Variants in CHD6 observed in about 807,000 individuals in gnomAD.
CHD6 encodes the protein chromodomain helicase DNA binding protein 6.
A neutral mutation model predicts 276.9 loss-of-function variants in CHD6; 50 were observed. That is an observed-to-expected ratio of 0.18 (90% CI 0.14 to 0.23). CHD6 has a LOEUF of 0.23. Ranked by LOEUF, CHD6 falls within the 10% of genes least tolerant of loss-of-function variation. CHD6 has a pLI of 1.00. For synonymous variants in CHD6, 1,173 were observed against 1,229.3 expected (o/e 0.95, Z 0.96); for missense variants, 2,564 against 3,365.8 (o/e 0.76, Z 5.89).
chr20:41,615,642 G>A (rs564673636), intron 1 of CHD6, among the ~76,000 whole-genome samples: 1 of 152,374 alleles, frequency 6.6e-6, no homozygotes, highest in African/African-American at 2.4e-5. Context: ...TGTATATACT[G>A]TCATTGTCCT....
In CHD6 at chr20:41,421,703, T is replaced by C. The variant is rs780349103; in HGVS notation, c.4932A>G (p.Thr1644=). The change falls in exon 31 of 37, where the codon ACA becomes ACG. Residue 1644 remains threonine, a synonymous_variant. Transcript: ENST00000373233. ...QTNSKLYESL[T]YSQMSRTSES... Reference sequence around the variant, plus strand: ...CTGAAGTCCTACTCATTTGAGAATATGTAAGAGATTCATATAACTTGGAGT... The same window carrying C: ...CTGAAGTCCTACTCATTTGAGAATACGTAAGAGATTCATATAACTTGGAGT... 39 of 1,614,046 alleles carry C rather than the reference T, an allele frequency of 2.4e-5. No homozygotes were observed. The highest frequency in any genetic ancestry group is 1.8e-4 in the East Asian group (8 of 44,900).
chr20:41,602,171 A>G (rs563850042), intron 1 of CHD6, among the ~76,000 whole-genome samples: 1 of 152,232 alleles, frequency 6.6e-6, no homozygotes, highest in Non-Finnish European at 1.5e-5. Flanking sequence ...ATGTCCCTAC[A>G]GTCACTCTCT....
chr20:41,405,343 T>C lies in CHD6; in HGVS notation c.7398A>G (p.Pro2466=), dbSNP rs1600776330. The change falls in exon 37 of 37, where the codon CCA becomes CCG. Residue 2466 remains proline (P), a synonymous_variant. Coordinates refer to ENST00000373233, the MANE Select transcript of CHD6 (RefSeq NM_032221.5). ...CAGCAATCAGTCCATTCATGAACAG[T>C]GGCCCCATTCCAGAGGGAGAGTCTG... The part of the protein sequence containing the change: ...IVADSPSGMG[P]LFMNGLIAGM... 1.9e-6 allele frequency: 3 copies of C among 1,614,202 alleles called. No individual in the cohort carries two copies. In the East Asian group the frequency reaches 6.7e-5, roughly 36 times the overall value.
chr20:41,561,486 CCTT>C (rs1470828630), intron 1 of CHD6, among the ~76,000 whole-genome samples: 3 of 152,132 alleles, frequency 2.0e-5, no homozygotes, highest in African/African-American at 7.2e-5. Flanking sequence ...CATCAGGAGT[CCTT>C]CATCATTGTC....
chr20:41,539,197 G>T (rs767229297), intron 2 of CHD6, among the ~76,000 whole-genome samples: 2 of 152,158 alleles, frequency 1.3e-5, no homozygotes, highest in Non-Finnish European at 2.9e-5. Context: ...GCGTGCCCTG[G>T]ATAGCTCTTC....
chr20:41,541,521 TAAAG>T (rs953874004), intron 2 of CHD6, among the ~76,000 whole-genome samples: 5 of 151,994 alleles, frequency 3.3e-5, no homozygotes, highest in African/African-American at 9.7e-5. Context: ...CCAGCAAGAA[TAAAG>T]AGAGAAGAGA....
chr20:41,442,864 G>A (rs2047941627), intron 25 of CHD6, among the ~76,000 whole-genome samples: 1 of 152,226 alleles, frequency 6.6e-6, no homozygotes, highest in Admixed American at 6.5e-5. Context: ...TGAGGCATCT[G>A]TCCAACCTCA....
At position 41,473,669 on chromosome 20, in the gene CHD6, C is replaced by T. The variant is rs2043108216; in HGVS notation, c.2469-152G>A. On this transcript the variant is annotated intron_variant, in intron 16 of 36. Coordinates refer to ENST00000373233, the MANE Select transcript of CHD6 (RefSeq NM_032221.5). This position sits in a 1 kb window ranked among gnomAD's most constrained non-coding sequence, Gnocchi z 4.1. ...AGCAGTCTAGAAGGAATCCTGCCCC[C>T]TACATATGCAGCAGGGCAGACACTT... 9.7e-6 allele frequency: 6 copies of T among 619,252 alleles called. No individual in the cohort carries two copies. The South Asian group carries it at 1.2e-4, about 13-fold the overall frequency. The allele number at this position is 619,252 out of a possible 1,614,324, so 38.4% of individuals were successfully genotyped here.
chr20:41,403,231 C>T lies in CHD6; in HGVS notation c.*1362G>A. 9.5e-7 allele frequency: 1 copy of T among 1,054,050 alleles called. No individual in the cohort carries two copies. Among genetic ancestry groups the T allele is most frequent in the Non-Finnish European group, 1.1e-6 (1 of 869,878 alleles). The allele number at this position is 1,054,050 out of a possible 1,614,324, so 65.3% of individuals were successfully genotyped here. On this transcript the variant is annotated 3_prime_UTR_variant, in exon 37 of 37. Coordinates refer to ENST00000373233, the MANE Select transcript of CHD6 (RefSeq NM_032221.5). ...GTGAAACTGGTACTAGTAACACTTGCAACATTTCCAAGGGTCCTGCGCAGC... is the reference window on the plus strand; with the variant it reads ...GTGAAACTGGTACTAGTAACACTTGTAACATTTCCAAGGGTCCTGCGCAGC...
chr20:41,617,830 G>A (rs2045948642), intron 1 of CHD6, among the ~76,000 whole-genome samples: 1 of 151,274 alleles, frequency 6.6e-6, no homozygotes. Flanking sequence ...CTCCACCCCT[G>A]CAAACAGACG....
chr20:41,575,413 A>G (rs568220187), intron 1 of CHD6, among the ~76,000 whole-genome samples: 2 of 152,226 alleles, frequency 1.3e-5, no homozygotes, highest in East Asian at 3.8e-4. Context: ...ACAAACATCA[A>G]TAACTTTGTG....
chr20:41,592,617 T>C (rs897180260), intron 1 of CHD6, among the ~76,000 whole-genome samples: 2 of 152,168 alleles, frequency 1.3e-5, no homozygotes, highest in African/African-American at 2.4e-5. Context: ...CACACTACAT[T>C]TGCTGCTGTT....
intron 1 of CHD6, among the ~76,000 whole-genome samples, chr20:41,562,732 G>A (rs1313077393): frequency 6.6e-6 from 1 of 152,132 alleles, no homozygotes; most frequent in Non-Finnish European, 1.5e-5. Context: ...TTAAAAGAGG[G>A]CCATGAGGAC....
chr20:41,435,603 C>CAAAAAA (rs34895530), intron 27 of CHD6, among the ~76,000 whole-genome samples: 4 of 110,178 alleles, frequency 3.6e-5, no homozygotes, highest in Non-Finnish European at 7.8e-5. Context: ...GACCCTGAGT[C>CAAAAAA]AAAAAAAAAA....
At chr20:41,504,655 C>A (rs1223232510) in intron 5 of CHD6, among the ~76,000 whole-genome samples, 1 of 152,122 alleles carries the variant, frequency 6.6e-6, no homozygotes, top group Non-Finnish European at 1.5e-5. Context: ...AAGCAATACT[C>A]CAGCCTTGGT....
rs1600949757 is a variant in CHD6 at position 41,473,456 on chromosome 20, G to A, written c.2530C>T (p.Arg844Trp). 1 of 1,614,050 alleles carries A rather than the reference G, an allele frequency of 6.2e-7. No individual in the cohort carries two copies. Among genetic ancestry groups the A allele is most frequent in the Non-Finnish European group, 8.5e-7 (1 of 1,179,990 alleles). The change falls in exon 17 of 37, where the codon CGG (arginine) becomes TGG (tryptophan). Residue 844 changes from arginine to tryptophan, a missense_variant. By Grantham distance (101) the Arg-to-Trp change is moderately radical (BLOSUM62 -3). This residue lies in a region of CHD6 where 457 missense variants were observed against 889.0 expected (regional missense o/e 0.51). Coordinates refer to ENST00000373233, the MANE Select transcript of CHD6 (RefSeq NM_032221.5). This position sits in a 1 kb window ranked among gnomAD's most constrained non-coding sequence, Gnocchi z 4.1. ...CGGTCTGAATCTGGCTTACAGAACC[G>A]GTCGATGGCTGCCTGGCGCAGGTTT... ...RGNLRQAAID[R>W]FCKPDSDRFV... is the part of the protein sequence containing the mutation.
chr20:41,449,117 G>A lies in CHD6; in HGVS notation c.3684-1146C>T, dbSNP rs578211384. On this transcript the variant is annotated intron_variant, in intron 23 of 36. Coordinates refer to ENST00000373233, the MANE Select transcript of CHD6 (RefSeq NM_032221.5). ...GGGGTTTCACCATGTTGGCCAGGCT[G>A]GTCTTGAACTCCTGATCTCAGGTGA... Among the ~76,000 whole-genome samples the A allele has an allele frequency of 1.6e-3, 249 of 152,238 alleles. 1 individual carries two copies. The highest frequency in any genetic ancestry group is 3.0e-3 in the Non-Finnish European group (201 of 68,022).
Position 41,448,903 on chromosome 20 carries a change from A to AT in CHD6, c.3684-933dup, listed in dbSNP as rs57775532. ...AATCAACTCAAATAATTCTGAGAGT[A>AT]TTTTTTTTTTTTTTTGAGATGGAGT... is the stretch of plus-strand genomic sequence containing the variant. On this transcript the variant is annotated intron_variant, in intron 23 of 36. Transcript: ENST00000373233. Among the ~76,000 whole-genome samples the AT allele has an allele frequency of 5.2e-3, 742 of 143,612 alleles. 2 individuals carry two copies. The highest frequency in any genetic ancestry group is 9.2e-3 in the Admixed American group (132 of 14,356). 94.2% of individuals were successfully genotyped at this position (143,612 alleles called of 152,430 possible).
Position 41,402,593 on chromosome 20 carries a change from C to T in CHD6, c.*2000G>A, listed in dbSNP as rs2046564609. Reference sequence around the variant, plus strand: ...CATTTGCAGTAAGGCTTTCAAGATACAGGAATTTTTATAGCATTTGTATTT... The same window carrying T: ...CATTTGCAGTAAGGCTTTCAAGATATAGGAATTTTTATAGCATTTGTATTT... On this transcript the variant is annotated 3_prime_UTR_variant, in exon 37 of 37. Coordinates refer to ENST00000373233, the MANE Select transcript of CHD6 (RefSeq NM_032221.5). 1 of 227,244 alleles carries T rather than the reference C, an allele frequency of 4.4e-6. No individual in the cohort carries two copies. Among genetic ancestry groups the T allele is most frequent in the Non-Finnish European group, 8.7e-6 (1 of 114,458 alleles). The allele number at this position is 227,244 out of a possible 1,614,324, so 14.1% of individuals were successfully genotyped here.
Sources: allele counts gnomAD v4.1 joint callset (sites outside exome capture counted in the v4.1 genomes callset), GRCh38; gene constraint gnomAD v4.1.1; regional missense constraint gnomAD v4.1.1; non-coding constraint Gnocchi (gnomAD v3.1); transcripts MANE v1.5; gene names NCBI Gene and HGNC (gene_info 2026-07-23, HGNC 2026-07-21).